Variants in PCNX2 observed in about 807,000 individuals in gnomAD.
PCNX2 encodes the protein pecanex-like protein 2.
PCNX2 carries 168 observed loss-of-function variants against 223.8 expected under a neutral mutation model. That is an observed-to-expected ratio of 0.75 (90% CI 0.66 to 0.85). PCNX2 has a LOEUF of 0.85. Ranked by LOEUF, PCNX2 falls within the 40% of genes least tolerant of loss-of-function variation. The pLI is 0.00. For synonymous variants in PCNX2, 1,006 were observed against 1,052.6 expected (o/e 0.96, Z 0.86); for missense variants, 2,507 against 2,675.5 (o/e 0.94, Z 1.39).
intron 21 of PCNX2, among the ~76,000 whole-genome samples, chr1:233,113,999 C>T (rs1675267250): frequency 6.6e-6 from 1 of 152,120 alleles, no homozygotes; most frequent in African/African-American, 2.4e-5. Context: ...AATTGGGGTT[C>T]TATCAGTAAC....
chr1:233,232,558 T>C (rs1408192109), intron 9 of PCNX2, among the ~76,000 whole-genome samples: 1 of 152,242 alleles, frequency 6.6e-6, no homozygotes, highest in African/African-American at 2.4e-5. Flanking sequence ...ACTTTTTCTT[T>C]TTAAAGTATT....
Position 233,139,647 on chromosome 1 carries a change from C to T in PCNX2, c.3659+67G>A, listed in dbSNP as rs930314680. The T allele has an allele frequency of 1.3e-6, 2 of 1,505,546 alleles. No individual in the cohort carries two copies. Among genetic ancestry groups the T allele is most frequent in the African/African-American group, 2.8e-5 (2 of 71,582 alleles). 93.3% of individuals were successfully genotyped at this position (1,505,546 alleles called of 1,614,324 possible). ...GTTGGCTTCTTCTGCAGATTGTTTA[C>T]AGAAAATTCACTCGATTTTGAAAAT... On this transcript the variant is annotated intron_variant, in intron 20 of 33. Transcript: ENST00000258229. The surrounding 1 kb of genome is among the most constrained non-coding windows in gnomAD (Gnocchi z 4.4).
intron 1 of PCNX2, chr1:233,290,959 C>T (rs1455064754): frequency 1.0e-6 from 1 of 985,268 alleles, no homozygotes; most frequent in South Asian, 4.7e-5. Flanking sequence ...TGTGAAAGTT[C>T]CAACCCATTC....
intron 19 of PCNX2, among the ~76,000 whole-genome samples, chr1:233,151,714 GC>G (rs1338779035): frequency 6.6e-6 from 1 of 151,992 alleles, no homozygotes; most frequent in African/African-American, 2.4e-5. Context: ...CACTCTTGTT[GC>G]CCAGGCTGGA....
At chr1:233,149,133 C>A (rs6424282) in intron 19 of PCNX2, among the ~76,000 whole-genome samples, 49,935 of 152,086 alleles carry the variant, frequency 0.33, 9,642 homozygotes, top group African/African-American at 0.55. Context: ...CATAAAAAAA[C>A]CAATACTTTA....
chr1:233,137,467 G>GT (rs1317838637), intron 20 of PCNX2, among the ~76,000 whole-genome samples: 1 of 152,202 alleles, frequency 6.6e-6, no homozygotes, highest in Admixed American at 6.5e-5. Context: ...CTAAATGTAT[G>GT]TATCATTCAC....
chr1:233,102,224 A>G lies in PCNX2; in HGVS notation c.3838-6361T>C, dbSNP rs558835502. Among the ~76,000 whole-genome samples the G allele has an allele frequency of 4.7e-5, 7 of 148,646 alleles. No individual in the cohort carries two copies. In the South Asian group the frequency reaches 1.3e-3, roughly 27 times the overall value. On this transcript the variant is annotated intron_variant, in intron 21 of 33. Transcript: ENST00000258229. The stretch of plus-strand genomic sequence containing the variant: ...AAATTGACAGGATTTTATTTGTTTT[A>G]TGGTTGAATAAATTCCATTGTGTAT...
the PCNX2 span, among the ~76,000 whole-genome samples, chr1:233,302,536 T>C: frequency 1.3e-5 from 2 of 151,838 alleles, no homozygotes; most frequent in Non-Finnish European, 2.9e-5. Flanking sequence ...ATTTTGTCAA[T>C]TTATGTTCTT....
intron 13 of PCNX2, among the ~76,000 whole-genome samples, chr1:233,203,909 G>C (rs547780168): frequency 1.3e-5 from 2 of 152,282 alleles, no homozygotes; most frequent in South Asian, 4.1e-4. Flanking sequence ...TGCCAGAGGA[G>C]GACCACTTGT....
At chr1:233,299,290 C>T (rs1662222623), upstream of PCNX2, among the ~76,000 whole-genome samples, 1 of 152,072 alleles carries the variant, frequency 6.6e-6, no homozygotes, top group Non-Finnish European at 1.5e-5. Flanking sequence ...TAATTAACTA[C>T]ATATGTTTGC....
the PCNX2 span, among the ~76,000 whole-genome samples, chr1:233,321,013 C>CTTTTTT: frequency 2.4e-3 from 167 of 70,334 alleles, 2 homozygotes; most frequent in Admixed American, 3.4e-3. Flanking sequence ...AAAATGTCTT[C>CTTTTTT]TTTTTTTTTT....
At chr1:233,071,810 ATTCT>A (rs1262900602) in intron 23 of PCNX2, among the ~76,000 whole-genome samples, 1 of 152,098 alleles carries the variant, frequency 6.6e-6, no homozygotes, top group Non-Finnish European at 1.5e-5. Context: ...AGCATCTGTT[ATTCT>A]TTGACTTTTT....
At chr1:233,231,689 T>C in intron 9 of PCNX2, 1 of 984,320 alleles carries the variant, frequency 1.0e-6, no homozygotes, top group Non-Finnish European at 1.2e-6. Context: ...AAGTGGTCCT[T>C]TGGGGAACTA....
intron 21 of PCNX2, among the ~76,000 whole-genome samples, chr1:233,130,247 T>C (rs1394633172): frequency 6.6e-6 from 1 of 152,082 alleles, no homozygotes; most frequent in Non-Finnish European, 1.5e-5. Context: ...GTCTGCAGCT[T>C]CATTCTTGAA....
chr1:233,284,871 A>G (rs1558425240), intron 1 of PCNX2, among the ~76,000 whole-genome samples: 1 of 152,070 alleles, frequency 6.6e-6, no homozygotes, highest in East Asian at 1.9e-4. Flanking sequence ...ACACCCACTC[A>G]GTGTCCCTCA....
At chr1:233,190,443 T>C (rs1680357469) in intron 15 of PCNX2, among the ~76,000 whole-genome samples, 1 of 152,202 alleles carries the variant, frequency 6.6e-6, no homozygotes, top group Non-Finnish European at 1.5e-5. Flanking sequence ...CTGAGACTAT[T>C]AGAAAACTCA....
Position 233,000,897 on chromosome 1 carries a change from T to C in PCNX2, c.5098-362A>G, listed in dbSNP as rs1670058843. Among the ~76,000 whole-genome samples, 1 of 152,176 alleles carries C rather than the reference T, an allele frequency of 6.6e-6. No individual in the cohort carries two copies. Among genetic ancestry groups the C allele is most frequent in the African/African-American group, 2.4e-5 (1 of 41,440 alleles). Reference sequence around the variant, plus strand: ...GCTGCTCTTGAGGGCAAATCACCATTGGCTAAAGTCAAGACTATCTGGACG... The same window carrying C: ...GCTGCTCTTGAGGGCAAATCACCATCGGCTAAAGTCAAGACTATCTGGACG... On this transcript the variant is annotated intron_variant, in intron 29 of 33. Coordinates refer to ENST00000258229, the MANE Select transcript of PCNX2 (RefSeq NM_014801.4). The surrounding 1 kb of genome is among the most constrained non-coding windows in gnomAD (Gnocchi z 4.6).
At chr1:233,280,241 G>A (rs978487287) in intron 1 of PCNX2, among the ~76,000 whole-genome samples, 7 of 150,886 alleles carry the variant, frequency 4.6e-5, no homozygotes, top group South Asian at 2.1e-4. Context: ...CACTTTGAAC[G>A]TACATCCCTT....
chr1:233,081,311 A>G lies in PCNX2; in HGVS notation c.4076+8750T>C, dbSNP rs185444880. ...TAGTGAGCCGAGATCACGCCACTGC[A>G]CTCCAGCCTGGGCTGTAAAGTGAGA... On this transcript the variant is annotated intron_variant, in intron 23 of 33. Transcript: ENST00000258229. Among the ~76,000 whole-genome samples, 559 of 152,300 alleles carry G rather than the reference A, an allele frequency of 3.7e-3. 5 individuals carry two copies. Among genetic ancestry groups the G allele is most frequent in the African/African-American group, 0.013 (530 of 41,558 alleles).
Sources: allele counts gnomAD v4.1 joint callset (sites outside exome capture counted in the v4.1 genomes callset), GRCh38; gene constraint gnomAD v4.1.1; non-coding constraint Gnocchi (gnomAD v3.1); transcripts MANE v1.5; gene names NCBI Gene and HGNC (gene_info 2026-07-23, HGNC 2026-07-21).